The following TSHZ2 variants were observed in gnomAD, a reference collection of about 807,000 sequenced individuals.
TSHZ2 encodes teashirt homolog 2.
TSHZ2 carries 21 observed loss-of-function variants against 74.4 expected under a neutral mutation model. The observed-to-expected ratio is 0.28, with a 90% CI of 0.20 to 0.41. The LOEUF (loss-of-function observed/expected upper bound fraction) is 0.41, where lower values mean the gene tolerates loss of function less well. Ranked by LOEUF, TSHZ2 falls within the 10% of genes least tolerant of loss-of-function variation. The pLI is 1.00. For missense variants in TSHZ2, 1,244 were observed against 1,293.5 expected (o/e 0.96, Z 0.59); for synonymous variants, 540 against 515.3 (o/e 1.05, Z -0.65).
chr20:53,029,378 T>C (rs1983555487), intron 1 of TSHZ2, among the ~76,000 whole-genome samples: 1 of 152,234 alleles, frequency 6.6e-6, no homozygotes, highest in Non-Finnish European at 1.5e-5. Flanking sequence ...ATTGTGGTTT[T>C]AAAGGCATAA....
At chr20:53,391,492 TA>T (rs1982258086) in intron 2 of TSHZ2, among the ~76,000 whole-genome samples, 1 of 151,400 alleles carries the variant, frequency 6.6e-6, no homozygotes, top group African/African-American at 2.4e-5. Context: ...TTTTTTTTTT[TA>T]CAATCACAGC....
rs956143674 is a variant in TSHZ2 at position 53,017,703 on chromosome 20, G to A, written c.40+44370G>A. Reference sequence around the variant, plus strand: ...CCTAATATTTACTAAGATTGTCTGTGGGCTAGAGAATACTTTGACATCACC... The same window carrying A: ...CCTAATATTTACTAAGATTGTCTGTAGGCTAGAGAATACTTTGACATCACC... On this transcript the variant is annotated intron_variant, in intron 1 of 2. Coordinates refer to ENST00000371497, the MANE Select transcript of TSHZ2 (RefSeq NM_173485.6). Among the ~76,000 whole-genome samples the A allele has an allele frequency of 2.6e-5, 4 of 152,270 alleles. No homozygotes were observed. In the South Asian group the frequency reaches 8.3e-4, roughly 32 times the overall value.
chr20:53,025,859 A>G (rs1315543303), intron 1 of TSHZ2, among the ~76,000 whole-genome samples: 2 of 152,060 alleles, frequency 1.3e-5, no homozygotes, highest in Non-Finnish European at 2.9e-5. Context: ...CACCTTTAGG[A>G]GCTCTTCGAC....
At chr20:53,043,354 G>A (rs970667306) in intron 1 of TSHZ2, among the ~76,000 whole-genome samples, 2 of 152,116 alleles carry the variant, frequency 1.3e-5, no homozygotes, top group South Asian at 4.1e-4. Context: ...CACAACTCAG[G>A]GAGTGGGGTT....
intron 1 of TSHZ2, among the ~76,000 whole-genome samples, chr20:53,052,567 A>G (rs1310603020): frequency 6.6e-6 from 1 of 152,180 alleles, no homozygotes; most frequent in African/African-American, 2.4e-5. Context: ...TAAAAGGGTT[A>G]GGGTACTGCT....
rs568834066 is a variant in TSHZ2 at position 53,488,325 on chromosome 20, G to A, written c.*1190G>A. 6.6e-6 allele frequency: 1 copy of A among 152,250 alleles called. No homozygotes were observed. Among genetic ancestry groups the A allele is most frequent in the South Asian group, 2.1e-4 (1 of 4,824 alleles). 9.4% of individuals were successfully genotyped at this position (152,250 alleles called of 1,614,324 possible). On this transcript the variant is annotated 3_prime_UTR_variant, in exon 3 of 3. Transcript: ENST00000371497. Reference sequence around the variant, plus strand: ...TTAACGTTATGGATTTTTAACGGATGTCTTAATTATACGTTATTATTAACG... The same window carrying A: ...TTAACGTTATGGATTTTTAACGGATATCTTAATTATACGTTATTATTAACG...
intron 1 of TSHZ2, among the ~76,000 whole-genome samples, chr20:53,036,454 A>G (rs1168707564): frequency 2.6e-5 from 4 of 151,700 alleles, no homozygotes; most frequent in African/African-American, 9.7e-5. Context: ...ACATATATAC[A>G]CATATGTATT....
chr20:53,107,191 C>T (rs1189647065), intron 1 of TSHZ2, among the ~76,000 whole-genome samples: 8 of 152,172 alleles, frequency 5.3e-5, no homozygotes, highest in Non-Finnish European at 1.2e-4. Flanking sequence ...CAAGCCATAG[C>T]CCAGTGGGTT....
intron 1 of TSHZ2, among the ~76,000 whole-genome samples, chr20:53,092,825 T>C (rs1036219338): frequency 3.9e-5 from 6 of 152,196 alleles, no homozygotes; most frequent in African/African-American, 1.4e-4. Flanking sequence ...AGACCACGGA[T>C]TGGCAAACTT....
At chr20:53,017,766 C>A (rs560842399) in intron 1 of TSHZ2, among the ~76,000 whole-genome samples, 24 of 152,086 alleles carry the variant, frequency 1.6e-4, no homozygotes, top group Non-Finnish European at 2.4e-4. Flanking sequence ...CCTTTTAATG[C>A]GTCTTCACCC....
chr20:53,343,317 G>C (rs560491108), intron 2 of TSHZ2, among the ~76,000 whole-genome samples: 1 of 152,156 alleles, frequency 6.6e-6, no homozygotes, highest in Non-Finnish European at 1.5e-5. Flanking sequence ...TGGGAGTAGC[G>C]AGGCTGGACA....
intron 1 of TSHZ2, among the ~76,000 whole-genome samples, chr20:53,252,388 G>T (rs1440249855): frequency 6.6e-6 from 1 of 152,300 alleles, no homozygotes; most frequent in Admixed American, 6.5e-5. Flanking sequence ...CATTAAGATT[G>T]TGCAGGCCTT....
chr20:53,226,436 A>G (rs6123264), intron 1 of TSHZ2, among the ~76,000 whole-genome samples: 97,287 of 145,196 alleles, frequency 0.67, 32,750 homozygotes, highest in African/African-American at 0.84. Context: ...CGGTGTGTGT[A>G]TGTGTGTGTG....
At chr20:53,385,745 C>A (rs1256709307) in intron 2 of TSHZ2, among the ~76,000 whole-genome samples, 2 of 152,184 alleles carry the variant, frequency 1.3e-5, no homozygotes, top group Non-Finnish European at 2.9e-5. Context: ...TGATTTAACT[C>A]CTTCTGAGCC....
intron 2 of TSHZ2, among the ~76,000 whole-genome samples, chr20:53,290,759 C>A (rs146867561): frequency 1.3e-5 from 2 of 152,186 alleles, no homozygotes; most frequent in Non-Finnish European, 2.9e-5. Context: ...AAGGCTAGAC[C>A]TGTAGTCAGT....
rs1986439408 is a variant in TSHZ2, at chr20:53,491,175, T to C, written c.*4040T>C. On this transcript the variant is annotated 3_prime_UTR_variant, in exon 3 of 3. Coordinates refer to ENST00000371497, the MANE Select transcript of TSHZ2 (RefSeq NM_173485.6). Reference sequence around the variant, plus strand: ...AAATAATAACAACAATAAGGAAATATATTAAAGCTTTAAAATATGCACATA... The same window carrying C: ...AAATAATAACAACAATAAGGAAATACATTAAAGCTTTAAAATATGCACATA... 6.6e-6 allele frequency: 1 copy of C among 151,938 alleles called. No homozygotes were observed. Among genetic ancestry groups the C allele is most frequent in the Non-Finnish European group, 1.5e-5 (1 of 67,992 alleles). 9.4% of individuals were successfully genotyped at this position (151,938 alleles called of 1,614,324 possible). A position where few individuals can be genotyped will look rare whatever the true frequency, so the allele number is the denominator to read the frequency against.
At chr20:53,458,018 C>A (rs1985177569) in intron 2 of TSHZ2, among the ~76,000 whole-genome samples, 1 of 151,892 alleles carries the variant, frequency 6.6e-6, no homozygotes, top group African/African-American at 2.4e-5. Flanking sequence ...GTCTAAAATT[C>A]TCTTTTTTGG....
At chr20:53,333,311 G>T (rs1444921378) in intron 2 of TSHZ2, among the ~76,000 whole-genome samples, 2 of 152,172 alleles carry the variant, frequency 1.3e-5, no homozygotes, top group African/African-American at 4.8e-5. Context: ...TATAAAAGAG[G>T]CTAGATCGCA....
intron 2 of TSHZ2, among the ~76,000 whole-genome samples, chr20:53,361,961 C>A (rs1328779922): frequency 3.3e-5 from 5 of 151,710 alleles, no homozygotes; most frequent in Non-Finnish European, 7.4e-5. Context: ...ACTCTGTCAC[C>A]CAGGCTGTCG....
Sources: gnomAD v4.1 joint callset for allele counts (sites outside exome capture counted in the v4.1 genomes callset) on GRCh38, gnomAD v4.1.1 for gene constraint, MANE v1.5 for transcripts, NCBI Gene and HGNC (gene_info 2026-07-23, HGNC 2026-07-21) for gene names.